The following INPP5K variants were observed in gnomAD, a reference collection of about 807,000 sequenced individuals.
INPP5K encodes the protein inositol polyphosphate-5-phosphatase K, also known as inositol polyphosphate 5-phosphatase K.
A neutral mutation model predicts 53.5 loss-of-function variants in INPP5K; 35 were observed. The ratio of observed to expected loss-of-function variants is 0.65; its 90% CI spans 0.50 to 0.87. The LOEUF is 0.87. Among genes scored for constraint, INPP5K ranks in the 40% least tolerant of loss-of-function variants. The pLI is 0.00. For synonymous variants in INPP5K, 253 were observed against 232.8 expected (o/e 1.09, Z -0.79); for missense variants, 550 against 586.2 (o/e 0.94, Z 0.64).
At position 1,496,786 on chromosome 17, in the gene INPP5K, A is replaced by G. The variant is rs566663933; in HGVS notation, c.981T>C (p.Ser327=). 2.7e-5 allele frequency: 44 copies of G among 1,614,136 alleles called. No homozygotes were observed. In the Admixed American group the frequency reaches 3.8e-4, roughly 14 times the overall value. ...TFDLELKPLV[S]APLIVLMPED... ...CGGGCATCAGGACGATCAGCGGAGC[A>G]GACACCAATGGCTTCAGCTAGACAC... is the stretch of plus-strand genomic sequence containing the variant. The change falls in exon 9 of 12, where the codon TCT becomes TCC. Residue 327 remains serine, a synonymous_variant. Transcript: ENST00000421807.
chr17:1,509,496 T>G, intron 4 of INPP5K, 143 bp from the exon 5 acceptor site: 1 of 945,248 alleles, frequency 1.1e-6, no homozygotes, highest in Non-Finnish European at 1.6e-6. Context: ...GGGTGATCTC[T>G]CCATGCACAG....
intron 1 of INPP5K, among the ~76,000 whole-genome samples, chr17:1,514,249 C>T (rs920645015): frequency 7.3e-5 from 11 of 150,846 alleles, no homozygotes; most frequent in South Asian, 2.1e-4. Flanking sequence ...CTTGAACCCA[C>T]GAGGCAGAGG....
Position 1,496,674 on chromosome 17 carries a change from G to C in INPP5K, c.1093C>G (p.Leu365Val). 1.2e-6 allele frequency: 2 copies of C among 1,614,192 alleles called. No homozygotes were observed. Among genetic ancestry groups the C allele is most frequent in the Non-Finnish European group, 8.5e-7 (1 of 1,180,032 alleles). Residue 365 changes from leucine to valine, a missense_variant, in exon 9 of 12, where the codon CTG becomes GTG. Transcript: ENST00000421807. The part of the protein sequence containing the change: ...FPSSPWDWIG[L>V]YKVGLRDVND... Reference sequence around the variant, plus strand: ...CCTTGCCACCACATCACCTTGTACAGTCCAATCCAGTCCCACGGGCTGCTG... The same window carrying C: ...CCTTGCCACCACATCACCTTGTACACTCCAATCCAGTCCCACGGGCTGCTG...
intron 1 of INPP5K, chr17:1,515,488 G>A (rs2075412754): frequency 1.0e-6 from 1 of 985,576 alleles, no homozygotes. Context: ...ACTGTGCGGA[G>A]CACAGAGCGG....
intron 7 of INPP5K, among the ~76,000 whole-genome samples, chr17:1,503,214 C>T (rs1200678143): frequency 2.7e-5 from 4 of 147,418 alleles, no homozygotes; most frequent in East Asian, 2.0e-4. Flanking sequence ...GACGAAGTCT[C>T]GCTCTGTCAC....
intron 8 of INPP5K, among the ~76,000 whole-genome samples, chr17:1,497,019 C>T (rs1380239068): frequency 6.6e-6 from 1 of 152,182 alleles, no homozygotes; most frequent in Non-Finnish European, 1.5e-5. Flanking sequence ...CTGTCGGAAT[C>T]CCATGGGGCC....
At chr17:1,515,813 G>A (rs2075419803) in intron 1 of INPP5K, 2 of 782,378 alleles carry the variant, frequency 2.6e-6, no homozygotes, top group Middle Eastern at 6.4e-4. Flanking sequence ...ATTTGTTTAC[G>A]ATCTCCCCCT....
chr17:1,501,854 T>TAA (rs1448229736), intron 7 of INPP5K, among the ~76,000 whole-genome samples: 1 of 140,146 alleles, frequency 7.1e-6, no homozygotes, highest in African/African-American at 2.8e-5. Context: ...CCGTCTCTAC[T>TAA]AAAAACACAC....
intron 6 of INPP5K, 74 bp downstream of exon 6, chr17:1,508,041 A>C: frequency 9.4e-7 from 1 of 1,067,538 alleles, no homozygotes; most frequent in Non-Finnish European, 1.4e-6. Flanking sequence ...GGCATCTAGC[A>C]ACACTCTGCA....
chr17:1,515,636 A>C (rs751172008), intron 1 of INPP5K: 1 of 967,880 alleles, frequency 1.0e-6, no homozygotes, highest in Non-Finnish European at 1.2e-6. Flanking sequence ...AGTTAATGCC[A>C]AAACATCTCT....
chr17:1,506,187 C>A lies in INPP5K; in HGVS notation c.776+793G>T, dbSNP rs1400145670. Among the ~76,000 whole-genome samples, 9 of 152,098 alleles carry A rather than the reference C, an allele frequency of 5.9e-5. No homozygotes were observed. In the East Asian group the frequency reaches 1.7e-3, roughly 29 times the overall value. On this transcript the variant is annotated intron_variant, in intron 7 of 11. Transcript: ENST00000421807. Reference sequence around the variant, plus strand: ...TACAGGTGCGCGCTACCATGCCCAGCTAATTTTTGAATTTTTAGTAGAGAT... The same window carrying A: ...TACAGGTGCGCGCTACCATGCCCAGATAATTTTTGAATTTTTAGTAGAGAT...
At position 1,513,533 on chromosome 17, in the gene INPP5K, T is replaced by C. The variant is rs1401124044; in HGVS notation, c.181A>G (p.Ser61Gly). ...TTAAAGGCAGCATCGGAAAGGAGGCTTATGATCCCAGAGTTCAATTCCTGC... is the reference window on the plus strand; with the variant it reads ...TTAAAGGCAGCATCGGAAAGGAGGCCTATGATCCCAGAGTTCAATTCCTGC... ...GLQELNSGII[S>G]LLSDAAFNDS... The change falls in exon 3 of 12, where the codon AGC (serine) becomes GGC (glycine). Residue 61 changes from serine to glycine, a missense_variant. Coordinates refer to ENST00000421807, the MANE Select transcript of INPP5K (RefSeq NM_016532.4). 2 of 1,614,118 alleles carry C rather than the reference T, an allele frequency of 1.2e-6. No homozygotes were observed. Among genetic ancestry groups the C allele is most frequent in the African/African-American group, 2.7e-5 (2 of 74,940 alleles).
chr17:1,499,792 C>T (rs2074958636), intron 7 of INPP5K, among the ~76,000 whole-genome samples: 1 of 152,180 alleles, frequency 6.6e-6, no homozygotes, highest in Non-Finnish European at 1.5e-5. Flanking sequence ...CTGGGTTCCA[C>T]CCCCTTCATG....
intron 11 of INPP5K, 49 bp from the exon 12 acceptor site, chr17:1,495,928 T>A (rs956386759): frequency 6.6e-7 from 1 of 1,521,442 alleles, no homozygotes; most frequent in Non-Finnish European, 9.1e-7. Context: ...TCTTCCTCCG[T>A]GCTTTCCATC....
intron 7 of INPP5K, among the ~76,000 whole-genome samples, chr17:1,503,120 AAGT>A (rs2075068056): frequency 6.6e-6 from 1 of 151,520 alleles, no homozygotes; most frequent in African/African-American, 2.4e-5. Flanking sequence ...TCCTGGGTTC[AAGT>A]GATCATCCTG....
At chr17:1,516,367 G>A (rs1223927862) in intron 1 of INPP5K, 89 bp downstream of exon 1, 1 of 1,364,564 alleles carries the variant, frequency 7.3e-7, no homozygotes, top group South Asian at 1.3e-5. Flanking sequence ...CAGTCATGGA[G>A]GTCTGGTGCC....
chr17:1,506,440 C>CA (rs2075156804), intron 7 of INPP5K, among the ~76,000 whole-genome samples: 1 of 152,226 alleles, frequency 6.6e-6, no homozygotes, highest in Admixed American at 6.5e-5. Flanking sequence ...TTATAGCTGA[C>CA]AAAATCAAGG....
At chr17:1,511,382 C>T (rs1253624490) in intron 3 of INPP5K, among the ~76,000 whole-genome samples, 1 of 152,200 alleles carries the variant, frequency 6.6e-6, no homozygotes, top group Non-Finnish European at 1.5e-5. Flanking sequence ...CAGTAGCTCT[C>T]CCTCTCAGGT....
chr17:1,503,206 C>T (rs1327669936), intron 7 of INPP5K, among the ~76,000 whole-genome samples: 5 of 135,374 alleles, frequency 3.7e-5, no homozygotes, highest in South Asian at 4.9e-4. Context: ...TTTTTTGAGA[C>T]GAAGTCTCGC....
Sources: gnomAD v4.1 joint callset for allele counts (sites outside exome capture counted in the v4.1 genomes callset) on GRCh38, gnomAD v4.1.1 for gene constraint, MANE v1.5 for transcripts, NCBI Gene and HGNC (gene_info 2026-07-23, HGNC 2026-07-21) for gene names.